The following STXBP5L variants were observed in gnomAD, a reference collection of about 807,000 sequenced individuals.
STXBP5L encodes the protein syntaxin-binding protein 5-like.
In STXBP5L, 65 loss-of-function variants were observed where a neutral mutation model predicts 144.5. The ratio of observed to expected loss-of-function variants is 0.45; its 90% CI spans 0.37 to 0.55. STXBP5L has a LOEUF of 0.55. Among genes scored for constraint, STXBP5L ranks in the 20% least tolerant of loss-of-function variants. STXBP5L has a pLI of 0.00. For synonymous variants in STXBP5L, 505 were observed against 469.6 expected, an observed-to-expected ratio of 1.08 and a Z score of -0.97; for missense variants, 1,298 against 1,405.5, an observed-to-expected ratio of 0.92 and a Z score of 1.22.
chr3:120,963,606 A>C (rs887434501), intron 3 of STXBP5L, among the ~76,000 whole-genome samples: 1 of 152,202 alleles, frequency 6.6e-6, no homozygotes, highest in African/African-American at 2.4e-5. Flanking sequence ...CCAGTCTTGC[A>C]TCCCAGGGAT....
chr3:120,990,759 G>C (rs548380488), intron 3 of STXBP5L, among the ~76,000 whole-genome samples: 23 of 152,266 alleles, frequency 1.5e-4, no homozygotes, highest in Non-Finnish European at 2.6e-4. Context: ...GATGATGCTG[G>C]GAAAACTGGC....
chr3:121,032,070 A>G (rs1275232365), intron 3 of STXBP5L, among the ~76,000 whole-genome samples: 1 of 152,046 alleles, frequency 6.6e-6, no homozygotes, highest in East Asian at 1.9e-4. Context: ...AAATTTGGGG[A>G]AGAATTCTGA....
chr3:120,940,430 C>T (rs866902143), intron 2 of STXBP5L, among the ~76,000 whole-genome samples: 3 of 151,654 alleles, frequency 2.0e-5, no homozygotes, highest in Admixed American at 1.3e-4. Context: ...AGTATGATGA[C>T]GAGGCTGTGT....
intron 5 of STXBP5L, among the ~76,000 whole-genome samples, chr3:121,069,647 A>G (rs1362088691): frequency 6.6e-6 from 1 of 152,030 alleles, no homozygotes; most frequent in East Asian, 1.9e-4. Flanking sequence ...ACTAACTAGA[A>G]TTTTGTGACA....
At chr3:121,100,275 AC>A (rs888787907) in intron 5 of STXBP5L, among the ~76,000 whole-genome samples, 15 of 152,232 alleles carry the variant, frequency 9.9e-5, no homozygotes, top group African/African-American at 2.9e-4. Flanking sequence ...ATAATACTCC[AC>A]CCATCAACTA....
At chr3:121,058,479 G>C (rs1297863828) in intron 5 of STXBP5L, among the ~76,000 whole-genome samples, 3 of 152,136 alleles carry the variant, frequency 2.0e-5, no homozygotes, top group Non-Finnish European at 2.9e-5. Context: ...CTAATCCTTT[G>C]GTTATATACC....
chr3:120,987,026 A>G (rs1795416), intron 3 of STXBP5L, among the ~76,000 whole-genome samples: 4 of 151,806 alleles, frequency 2.6e-5, no homozygotes, highest in Non-Finnish European at 5.9e-5. Flanking sequence ...ATATTTGAAG[A>G]AATAATGACC....
chr3:121,137,260 G>T (rs1402598283), intron 7 of STXBP5L, among the ~76,000 whole-genome samples: 1 of 151,910 alleles, frequency 6.6e-6, no homozygotes, highest in Non-Finnish European at 1.5e-5. Context: ...AAAAATGTTG[G>T]TTTTTTAAAA....
chr3:121,055,811 C>G (rs1948418192), intron 5 of STXBP5L, among the ~76,000 whole-genome samples: 1 of 152,036 alleles, frequency 6.6e-6, no homozygotes, highest in Non-Finnish European at 1.5e-5. Context: ...GCAGTCCTCC[C>G]ACCTTAGCCT....
chr3:121,020,380 A>G (rs926273320), intron 3 of STXBP5L, among the ~76,000 whole-genome samples: 1 of 152,230 alleles, frequency 6.6e-6, no homozygotes, highest in Non-Finnish European at 1.5e-5. Context: ...CTTGCTAGAG[A>G]TCTAGACATC....
In STXBP5L at chr3:120,961,766, G is replaced by T. The variant is rs527854090; in HGVS notation, c.287+6729G>T. On this transcript the variant is annotated intron_variant, in intron 3 of 26. Transcript: ENST00000471454. Reference sequence around the variant, plus strand: ...CATGTGTCTTTATAGTAGTATGATTGATAATCCTTTGGGTCTATACCCAGT... The same window carrying T: ...CATGTGTCTTTATAGTAGTATGATTTATAATCCTTTGGGTCTATACCCAGT... Among the ~76,000 whole-genome samples, 486 of 152,144 alleles carry T rather than the reference G, an allele frequency of 3.2e-3. 2 individuals carry two copies. The highest frequency in any genetic ancestry group is 0.011 in the African/African-American group (457 of 41,518).
Position 121,250,907 on chromosome 3 carries a change from C to CACTGTTAGATCAGTTGAA in STXBP5L, c.1441+146_1441+163dup, listed in dbSNP as rs2050007056. The CACTGTTAGATCAGTTGAA allele has an allele frequency of 7.9e-6, 5 of 634,200 alleles. No individual in the cohort carries two copies. In the East Asian group the frequency reaches 1.4e-4, roughly 18 times the overall value. The allele number at this position is 634,200 out of a possible 1,614,324, so 39.3% of individuals were successfully genotyped here. A position where few individuals can be genotyped will look rare whatever the true frequency, so the allele number is the denominator to read the frequency against. On this transcript the variant is annotated intron_variant, in intron 15 of 26. Coordinates refer to ENST00000471454, the MANE Select transcript of STXBP5L (RefSeq NM_001308330.2). ...CTGTGTTACAAAAATCTATTACCTACACTGTTAGATCAGTTGAAAGTATTA... is the reference window on the plus strand; with the variant it reads ...CTGTGTTACAAAAATCTATTACCTACACTGTTAGATCAGTTGAAACTGTTAGATCAGTTGAAAGTATTA...
At chr3:121,253,814 T>TTC (rs2050117050) in intron 15 of STXBP5L, among the ~76,000 whole-genome samples, 1 of 144,608 alleles carries the variant, frequency 6.9e-6, no homozygotes, top group African/African-American at 2.5e-5. Flanking sequence ...TTTTTTCTTT[T>TTC]TTTTTTTTTT....
intron 5 of STXBP5L, among the ~76,000 whole-genome samples, chr3:121,087,943 T>C (rs9848328): frequency 0.37 from 56,957 of 151,970 alleles, 10,876 homozygotes; most frequent in Non-Finnish European, 0.4. Context: ...ACTTTTCCTT[T>C]CTTTACTTCC....
At chr3:121,267,630 A>G (rs528114252) in intron 18 of STXBP5L, among the ~76,000 whole-genome samples, 1 of 152,344 alleles carries the variant, frequency 6.6e-6, no homozygotes, top group Admixed American at 6.5e-5. Context: ...GGCAACCTAC[A>G]CACTGGGTGA....
chr3:121,126,038 ATAG>A (rs1483398348), intron 7 of STXBP5L, among the ~76,000 whole-genome samples: 2 of 152,122 alleles, frequency 1.3e-5, no homozygotes, highest in African/African-American at 4.8e-5. Context: ...TCCCCATGAA[ATAG>A]TAGAGTGATA....
chr3:121,006,746 G>T (rs960842703), intron 3 of STXBP5L, among the ~76,000 whole-genome samples: 1 of 152,076 alleles, frequency 6.6e-6, no homozygotes. Context: ...GGCAGGCCTG[G>T]TGGTGACAAA....
chr3:121,105,171 G>C (rs1198774029), intron 5 of STXBP5L, among the ~76,000 whole-genome samples: 2 of 152,152 alleles, frequency 1.3e-5, no homozygotes, highest in Non-Finnish European at 2.9e-5. Context: ...GCCGAGGTGG[G>C]TGTATCACGA....
chr3:120,940,354 G>C (rs898733864), intron 2 of STXBP5L, among the ~76,000 whole-genome samples: 1 of 151,864 alleles, frequency 6.6e-6, no homozygotes, highest in Non-Finnish European at 1.5e-5. Context: ...AGATGGAGTG[G>C]AAGCCATGAC....
Sources: gnomAD v4.1 joint callset for allele counts (sites outside exome capture counted in the v4.1 genomes callset) on GRCh38, gnomAD v4.1.1 for gene constraint, MANE v1.5 for transcripts, NCBI Gene and HGNC (gene_info 2026-07-23, HGNC 2026-07-21) for gene names.